SRD5A1: variants seen among roughly 807,000 people sequenced by gnomAD.
The protein encoded by SRD5A1 is steroid 5 alpha-reductase 1, also known as 3-oxo-5-alpha-steroid 4-dehydrogenase 1.
In SRD5A1, 22 loss-of-function variants were observed where a neutral mutation model predicts 28.2. The observed-to-expected ratio is 0.78, with a 90% CI of 0.56 to 1.12. The LOEUF (loss-of-function observed/expected upper bound fraction) is 1.12, where lower values mean the gene tolerates loss of function less well. Among genes scored for constraint, SRD5A1 ranks in the 50% most tolerant of loss-of-function variants. The probability of loss-of-function intolerance (pLI) is 0.00; values close to 1 mark genes in which losing one functional copy is unlikely to be tolerated. For synonymous variants in SRD5A1, 151 were observed against 135.0 expected (o/e 1.12, Z -0.82); for missense variants, 300 against 346.7 (o/e 0.87, Z 1.07).
intron 3 of SRD5A1, among the ~76,000 whole-genome samples, chr5:6,656,415 G>A (rs1034259083): frequency 6.6e-6 from 1 of 152,208 alleles, no homozygotes; most frequent in Non-Finnish European, 1.5e-5. Flanking sequence ...TTATATCTGT[G>A]CTTGGGAAGA....
chr5:6,645,012 T>G (rs1273960995), intron 1 of SRD5A1: 1 of 455,830 alleles, frequency 2.2e-6, no homozygotes, highest in African/African-American at 2.0e-5. Context: ...AATGCACACT[T>G]ACTGGCCAAC....
intron 1 of SRD5A1, among the ~76,000 whole-genome samples, chr5:6,634,421 C>T (rs191028384): frequency 0.025 from 259 of 10,548 alleles, no homozygotes; most frequent in African/African-American, 0.085. Flanking sequence ...ACTGTGGGGG[C>T]GGGGGGGAGG....
intron 3 of SRD5A1, 145 bp downstream of exon 3, chr5:6,656,324 C>A: frequency 1.5e-6 from 1 of 687,108 alleles, no homozygotes; most frequent in Non-Finnish European, 2.5e-6. Flanking sequence ...ATAACAAGTG[C>A]TATTGTTATT....
chr5:6,667,496 T>G lies in SRD5A1; in HGVS notation c.714-706T>G, dbSNP rs552729183. ...GATTTTTAGTCTGTTGTTTAATCTTTCTGTGTGTGTTTATAGAAACTCCCT... is the reference window on the plus strand; with the variant it reads ...GATTTTTAGTCTGTTGTTTAATCTTGCTGTGTGTGTTTATAGAAACTCCCT... On this transcript the variant is annotated intron_variant, in intron 4 of 4. Coordinates refer to ENST00000274192, the MANE Select transcript of SRD5A1 (RefSeq NM_001047.4). 8.3e-4 allele frequency among the ~76,000 whole-genome samples: 127 copies of G among 152,310 alleles called. 1 individual carries two copies. Among genetic ancestry groups the G allele is most frequent in the African/African-American group, 3.0e-3 (123 of 41,566 alleles).
At position 6,674,218 on chromosome 5, in the gene SRD5A1, A is replaced by C. The variant is rs1192203383; in HGVS notation, c.*5950A>C. 1 of 152,100 alleles carries C rather than the reference A, an allele frequency of 6.6e-6. No individual in the cohort carries two copies. The highest frequency in any genetic ancestry group is 1.5e-5 in the Non-Finnish European group (1 of 68,014). The allele number at this position is 152,100 out of a possible 1,614,324, so 9.4% of individuals were successfully genotyped here. ...ATTTTTGCTTTATTATTATTATGTT[A>C]ATATCATCAACTGTAACTAGTGTAC... On this transcript the variant is annotated 3_prime_UTR_variant, in exon 5 of 5. Transcript: ENST00000274192.
chr5:6,667,248 C>T (rs1020822892), intron 4 of SRD5A1, among the ~76,000 whole-genome samples: 11 of 152,316 alleles, frequency 7.2e-5, no homozygotes, highest in East Asian at 5.8e-4. Flanking sequence ...ACGCTTGATC[C>T]GGAAGTCCTG....
At chr5:6,634,080 G>C (rs1738092440) in intron 1 of SRD5A1, among the ~76,000 whole-genome samples, 1 of 152,248 alleles carries the variant, frequency 6.6e-6, no homozygotes, top group Non-Finnish European at 1.5e-5. Context: ...GATTCGTCTG[G>C]AAAGGGCGGG....
intron 1 of SRD5A1, among the ~76,000 whole-genome samples, chr5:6,643,630 C>A (rs1278533147): frequency 3.9e-5 from 6 of 152,144 alleles, no homozygotes; most frequent in Non-Finnish European, 8.8e-5. Context: ...CTCCCAGTGT[C>A]CTTAACTCCT....
intron 2 of SRD5A1, chr5:6,653,500 A>G (rs1738747271): frequency 6.6e-6 from 1 of 152,134 alleles, no homozygotes; most frequent in South Asian, 2.1e-4. Flanking sequence ...ATGCCTCCCC[A>G]TGTTCTCTGA....
intron 2 of SRD5A1, among the ~76,000 whole-genome samples, 198 bp from the exon 3 acceptor site, chr5:6,655,880 G>A (rs1333468303): frequency 6.6e-6 from 1 of 152,158 alleles, no homozygotes; most frequent in Non-Finnish European, 1.5e-5. Context: ...TGATGTATTT[G>A]TATTATTAGG....
chr5:6,668,303 C>A lies in SRD5A1; in HGVS notation c.*35C>A, dbSNP rs1561007538. 7.9e-7 allele frequency: 1 copy of A among 1,261,982 alleles called. No homozygotes were observed. The highest frequency in any genetic ancestry group is 1.1e-6 in the Non-Finnish European group (1 of 882,686). The allele number at this position is 1,261,982 out of a possible 1,614,324, so 78.2% of individuals were successfully genotyped here. On this transcript the variant is annotated 3_prime_UTR_variant, in exon 5 of 5. Transcript: ENST00000274192. ...TCATGAAATTATCTTCAACTTGAAG[C>A]TTTCCAATGGCGCTTCTCTATGGAC...
rs1269636077 is a variant in SRD5A1, at chr5:6,645,330, A to T, written c.294-6512A>T. ...TTAAGGTATAATTTACAAATAATAA[A>T]ATTCACCCATTTTAAGTCTGTAATT... On this transcript the variant is annotated intron_variant, in intron 1 of 4. Coordinates refer to ENST00000274192, the MANE Select transcript of SRD5A1 (RefSeq NM_001047.4). 12 of 196,202 alleles carry T rather than the reference A, an allele frequency of 6.1e-5. No individual in the cohort carries two copies. The Admixed American group carries it at 6.1e-4, about 10-fold the overall frequency. The allele number at this position is 196,202 out of a possible 1,614,324, so 12.2% of individuals were successfully genotyped here.
intron 1 of SRD5A1, among the ~76,000 whole-genome samples, chr5:6,647,055 G>A (rs1738529280): frequency 2.0e-5 from 3 of 152,166 alleles, no homozygotes; most frequent in African/African-American, 7.2e-5. Flanking sequence ...TTCAGGAGCA[G>A]GTTGTTCAGT....
At chr5:6,638,977 A>C (rs1738281929) in intron 1 of SRD5A1, among the ~76,000 whole-genome samples, 1 of 152,212 alleles carries the variant, frequency 6.6e-6, no homozygotes, top group Non-Finnish European at 1.5e-5. Context: ...CCATGACCTA[A>C]ATTACTCCCA....
chr5:6,656,250 G>C, intron 3 of SRD5A1, 71 bp downstream of exon 3: 3 of 1,215,094 alleles, frequency 2.5e-6, no homozygotes, highest in Non-Finnish European at 2.4e-6. Context: ...AGTGTTGCCA[G>C]CTCTAAGAAG....
intron 1 of SRD5A1, among the ~76,000 whole-genome samples, chr5:6,641,310 C>A (rs1262067077): frequency 6.6e-6 from 1 of 152,174 alleles, no homozygotes; most frequent in Non-Finnish European, 1.5e-5. Context: ...CCAAATTGGC[C>A]ACAGTCAAAG....
At chr5:6,638,545 G>A (rs1021601709) in intron 1 of SRD5A1, among the ~76,000 whole-genome samples, 2 of 152,208 alleles carry the variant, frequency 1.3e-5, no homozygotes, top group African/African-American at 4.8e-5. Context: ...GTTTCTGATT[G>A]CTTTAAGTTT....
At chr5:6,661,394 CAAAAAA>C (rs3996846) in intron 3 of SRD5A1, among the ~76,000 whole-genome samples, 1 of 128,482 alleles carries the variant, frequency 7.8e-6, no homozygotes, top group Admixed American at 8.0e-5. Context: ...TACAAAACTC[CAAAAAA>C]AAAAAAAAAA....
At chr5:6,648,722 C>G (rs1448897527) in intron 1 of SRD5A1, among the ~76,000 whole-genome samples, 1 of 152,184 alleles carries the variant, frequency 6.6e-6, no homozygotes, top group Non-Finnish European at 1.5e-5. Flanking sequence ...TCCTTTGGCT[C>G]AGAGGAGTTT....
Sources: gnomAD v4.1 joint callset for allele counts (sites outside exome capture counted in the v4.1 genomes callset) on GRCh38, gnomAD v4.1.1 for gene constraint, MANE v1.5 for transcripts, NCBI Gene and HGNC (gene_info 2026-07-23, HGNC 2026-07-21) for gene names.